The following ADCY5 variants were observed in gnomAD, a reference collection of about 807,000 sequenced individuals.
ADCY5 encodes adenylate cyclase 5.
ADCY5 carries 30 observed loss-of-function variants against 119.7 expected under a neutral mutation model. That is an observed-to-expected ratio of 0.25 (90% CI 0.19 to 0.34). The LOEUF (loss-of-function observed/expected upper bound fraction) is 0.34. Among genes scored for constraint, ADCY5 ranks in the 10% least tolerant of loss-of-function variants. The pLI, the probability that ADCY5 is intolerant of heterozygous loss-of-function variation, is 1.00. For missense variants in ADCY5, 1,324 were observed against 1,775.2 expected (o/e 0.75, Z 4.57); for synonymous variants, 753 against 762.2 (o/e 0.99, Z 0.20).
At chr3:123,396,558 G>GAAAGAAAGAA (rs1453795516) in intron 1 of ADCY5, among the ~76,000 whole-genome samples, 6 of 120,876 alleles carry the variant, frequency 5.0e-5, no homozygotes, top group African/African-American at 2.0e-4. Flanking sequence ...GAAAGAAAAA[G>GAAAGAAAGAA]AGAAAGAAAG....
chr3:123,448,289 T>A lies in ADCY5; in HGVS notation c.257A>T (p.Asp86Val), dbSNP rs1945866450. ...GCCGAAGCCCCCGGCCAGGGGGTCG[T>A]CACCGCTCAGCGGAGGATCGTCGTC... ...DDDDDPPLSG[D>V]DPLAGGFGFS... Residue 86 changes from aspartate (D) to valine (V), a missense_variant, in exon 1 of 21, where the codon GAC (aspartate) becomes GTC (valine). Transcript: ENST00000462833. The A allele has an allele frequency of 6.5e-7, 1 of 1,532,104 alleles. No individual in the cohort carries two copies. 94.9% of individuals were successfully genotyped at this position (1,532,104 alleles called of 1,614,324 possible).
chr3:123,422,032 CT>C (rs568839201), intron 1 of ADCY5, among the ~76,000 whole-genome samples: 125 of 152,306 alleles, frequency 8.2e-4, no homozygotes, highest in African/African-American at 2.8e-3. Context: ...TGTTTCTCCC[CT>C]GGCCACTCCA....
chr3:123,337,165 GTTGT>G (rs1942063885), intron 3 of ADCY5, among the ~76,000 whole-genome samples: 1 of 152,140 alleles, frequency 6.6e-6, no homozygotes, highest in African/African-American at 2.4e-5. Context: ...GTGTATTACT[GTTGT>G]TTATTATTAT....
intron 3 of ADCY5, among the ~76,000 whole-genome samples, chr3:123,345,653 T>A (rs371462937): frequency 2.5e-4 from 38 of 151,946 alleles, no homozygotes; most frequent in Non-Finnish European, 3.1e-4. Context: ...TCCTCACATG[T>A]CCTAAGGGGG....
chr3:123,423,368 C>T (rs1002144453), intron 1 of ADCY5, among the ~76,000 whole-genome samples: 3 of 152,224 alleles, frequency 2.0e-5, no homozygotes, highest in Non-Finnish European at 2.9e-5. Flanking sequence ...GATTCTGCGC[C>T]GTGGGAGGTG....
intron 1 of ADCY5, among the ~76,000 whole-genome samples, chr3:123,411,029 T>G (rs576577856): frequency 6.6e-6 from 1 of 152,218 alleles, no homozygotes; most frequent in African/African-American, 2.4e-5. Context: ...CACCCACTTA[T>G]CTCCAAAGCA....
chr3:123,412,235 G>C (rs560506229), intron 1 of ADCY5, among the ~76,000 whole-genome samples: 1 of 152,314 alleles, frequency 6.6e-6, no homozygotes, highest in Non-Finnish European at 1.5e-5. Context: ...CCATGGCCTG[G>C]GGGCCCTGTG....
At chr3:123,437,153 T>A (rs993928666) in intron 1 of ADCY5, among the ~76,000 whole-genome samples, 8 of 152,048 alleles carry the variant, frequency 5.3e-5, no homozygotes, top group African/African-American at 1.9e-4. Flanking sequence ...CCATTAGAGA[T>A]TAATCCTTGC....
intron 20 of ADCY5, among the ~76,000 whole-genome samples, chr3:123,285,005 G>T (rs946350999): frequency 6.6e-6 from 1 of 152,238 alleles, no homozygotes; most frequent in African/African-American, 2.4e-5. Flanking sequence ...CTGTTTCAGT[G>T]TGGCCTGTGG....
chr3:123,284,823 GC>G (rs1214800040), intron 20 of ADCY5, 87 bp from the exon 21 acceptor site: 9 of 1,554,928 alleles, frequency 5.8e-6, no homozygotes, highest in Admixed American at 1.7e-5. Context: ...TGACTGCCCA[GC>G]CCTGTTGCCG....
chr3:123,334,229 C>A (rs1201801047), intron 3 of ADCY5, among the ~76,000 whole-genome samples: 2 of 152,122 alleles, frequency 1.3e-5, no homozygotes, highest in Admixed American at 6.5e-5. Context: ...AAAAGCCCTG[C>A]AAGTGAGGGG....
At chr3:123,316,497 T>C (rs1275145009) in intron 11 of ADCY5, among the ~76,000 whole-genome samples, 1 of 152,342 alleles carries the variant, frequency 6.6e-6, no homozygotes, top group East Asian at 1.9e-4. Context: ...GTTACGGAAG[T>C]TGTCAACATT....
At chr3:123,389,389 T>C (rs1944333674) in intron 1 of ADCY5, among the ~76,000 whole-genome samples, 1 of 152,076 alleles carries the variant, frequency 6.6e-6, no homozygotes, top group Non-Finnish European at 1.5e-5. Context: ...CTTCGAGACT[T>C]TCCTCTGGAC....
Position 123,393,564 on chromosome 3 carries a change from T to TAATAAAATAAAATAAAA in ADCY5, c.1135-40984_1135-40983insTTTTATTTTATTTTATT, listed in dbSNP as rs113863106. On this transcript the variant is annotated intron_variant, in intron 1 of 20. Coordinates refer to ENST00000462833, the MANE Select transcript of ADCY5 (RefSeq NM_183357.3). ...AGAGTGAGACCCTGTTTCTAAAAAATTAAAATAAAATAAAATAAAATAAAA... is the reference window on the plus strand; with the variant it reads ...AGAGTGAGACCCTGTTTCTAAAAAATAATAAAATAAAATAAAATAAAATAAAATAAAATAAAATAAAA... Among the ~76,000 whole-genome samples the TAATAAAATAAAATAAAA allele has an allele frequency of 1.8e-3, 252 of 143,526 alleles. 1 individual carries two copies. Among genetic ancestry groups the TAATAAAATAAAATAAAA allele is most frequent in the African/African-American group, 6.6e-3 (245 of 37,140 alleles). 94.2% of individuals were successfully genotyped at this position (143,526 alleles called of 152,430 possible). A position where few individuals can be genotyped will look rare whatever the true frequency, so the allele number is the denominator to read the frequency against.
intron 16 of ADCY5, 86 bp downstream of exon 16, chr3:123,297,267 C>T (rs1259248276): frequency 2.6e-6 from 4 of 1,547,026 alleles, no homozygotes; most frequent in African/African-American, 2.7e-5. Flanking sequence ...GCCACCAAGG[C>T]CCCTCCCACC....
intron 1 of ADCY5, among the ~76,000 whole-genome samples, chr3:123,396,742 GAA>G: frequency 1.7e-4 from 7 of 41,178 alleles, no homozygotes; most frequent in Admixed American, 2.4e-4. Context: ...AGGAAGGAAG[GAA>G]GGAAGGAAGG....
chr3:123,315,098 G>A (rs908749697), intron 11 of ADCY5, among the ~76,000 whole-genome samples: 1 of 152,180 alleles, frequency 6.6e-6, no homozygotes, highest in African/African-American at 2.4e-5. Flanking sequence ...TGGGGCAAGG[G>A]CTGGCCCAGG....
intron 8 of ADCY5, among the ~76,000 whole-genome samples, chr3:123,321,096 C>T (rs1941197601): frequency 6.6e-6 from 1 of 152,164 alleles, no homozygotes; most frequent in Non-Finnish European, 1.5e-5. Context: ...CCTCCTGCAC[C>T]CTGGGCTCAG....
intron 16 of ADCY5, chr3:123,297,039 G>T: frequency 1.3e-6 from 2 of 1,536,046 alleles, no homozygotes; most frequent in South Asian, 1.2e-5. Context: ...TGTGTCTGAG[G>T]TTCTCACACA....
Sources: gnomAD v4.1 joint callset for allele counts (sites outside exome capture counted in the v4.1 genomes callset) on GRCh38, gnomAD v4.1.1 for gene constraint, MANE v1.5 for transcripts, NCBI Gene and HGNC (gene_info 2026-07-23, HGNC 2026-07-21) for gene names.